COL19A1: variants seen among roughly 807,000 people sequenced by gnomAD.
COL19A1 encodes the protein collagen alpha-1(XIX) chain.
COL19A1 carries 159 observed loss-of-function variants against 190.2 expected under a neutral mutation model. That is an observed-to-expected ratio of 0.84 (90% CI 0.73 to 0.95). The LOEUF (loss-of-function observed/expected upper bound fraction) is 0.95, where lower values mean the gene tolerates loss of function less well. COL19A1 is among the 40% of genes least tolerant of loss of function. The pLI is 0.00. For missense variants in COL19A1, 1,418 were observed against 1,431.9 expected (o/e 0.99, Z 0.16); for synonymous variants, 509 against 458.9 (o/e 1.11, Z -1.39).
chr6:70,061,357 G>A (rs770956582), intron 14 of COL19A1, among the ~76,000 whole-genome samples: 1 of 151,888 alleles, frequency 6.6e-6, no homozygotes, highest in African/African-American at 2.4e-5. Flanking sequence ...ATTCATCAAG[G>A]ATTAAAAAAG....
chr6:70,195,464 G>A (rs1454198472), intron 48 of COL19A1, among the ~76,000 whole-genome samples: 1 of 152,104 alleles, frequency 6.6e-6, no homozygotes, highest in African/African-American at 2.4e-5. Flanking sequence ...TTCTCCAGTG[G>A]AGACATTCCA....
chr6:69,958,394 C>T (rs769124916), intron 9 of COL19A1, among the ~76,000 whole-genome samples: 46 of 152,258 alleles, frequency 3.0e-4, no homozygotes, highest in Middle Eastern at 3.4e-3. Context: ...AGTGGACATA[C>T]TTCTGTGATG....
In COL19A1 at chr6:70,200,907, C is replaced by T. The variant is rs779506621; in HGVS notation, c.3223+1171C>T. Among the ~76,000 whole-genome samples, 13 of 152,046 alleles carry T rather than the reference C, an allele frequency of 8.6e-5. No homozygotes were observed. In the South Asian group the frequency reaches 1.5e-3, roughly 17 times the overall value. Reference sequence around the variant, plus strand: ...TAAAATCTCTCTAGTTTTTTTTAAACGATACATATATTCCACCATTATCTT... The same window carrying T: ...TAAAATCTCTCTAGTTTTTTTTAAATGATACATATATTCCACCATTATCTT... On this transcript the variant is annotated intron_variant, in intron 49 of 50. Coordinates refer to ENST00000620364, the MANE Select transcript of COL19A1 (RefSeq NM_001858.6).
intron 16 of COL19A1, among the ~76,000 whole-genome samples, chr6:70,104,381 C>A (rs1275331903): frequency 6.6e-6 from 1 of 152,150 alleles, no homozygotes. Flanking sequence ...CTTCACATGG[C>A]AGCAGGAAAG....
chr6:70,047,698 AAC>A (rs1779985281), intron 14 of COL19A1, among the ~76,000 whole-genome samples: 1 of 152,148 alleles, frequency 6.6e-6, no homozygotes, highest in Non-Finnish European at 1.5e-5. Flanking sequence ...TATGTTCTAT[AAC>A]CTTCCTATTA....
Position 70,065,212 on chromosome 6 carries a change from A to T in COL19A1, c.1171-3211A>T, listed in dbSNP as rs532430859. Among the ~76,000 whole-genome samples, 6 of 152,312 alleles carry T rather than the reference A, an allele frequency of 3.9e-5. No individual in the cohort carries two copies. In the South Asian group the frequency reaches 1.2e-3, roughly 32 times the overall value. On this transcript the variant is annotated intron_variant, in intron 14 of 50. Coordinates refer to ENST00000620364, the MANE Select transcript of COL19A1 (RefSeq NM_001858.6). ...ATGCTACCTAACTTCAGACTCTACTACAAGGCTACAGTAACCAAAACAGCA... is the reference window on the plus strand; with the variant it reads ...ATGCTACCTAACTTCAGACTCTACTTCAAGGCTACAGTAACCAAAACAGCA...
chr6:70,148,092 C>G (rs1786784261), intron 27 of COL19A1, among the ~76,000 whole-genome samples: 1 of 152,104 alleles, frequency 6.6e-6, no homozygotes, highest in Non-Finnish European at 1.5e-5. Context: ...TTTTCGCCAG[C>G]CTGGAAGCTC....
chr6:70,162,045 G>T, intron 35 of COL19A1, 92 bp downstream of exon 35: 1 of 1,155,522 alleles, frequency 8.7e-7, no homozygotes, highest in South Asian at 1.7e-5. Flanking sequence ...TTTGTTCTCT[G>T]TGCCTCTATG....
intron 11 of COL19A1, among the ~76,000 whole-genome samples, chr6:70,006,619 T>A (rs1777641333): frequency 6.6e-6 from 1 of 152,216 alleles, no homozygotes; most frequent in South Asian, 2.1e-4. Flanking sequence ...AAATTTAAAA[T>A]ATTTAGATAG....
chr6:70,127,111 A>T (rs1164774912), intron 17 of COL19A1, among the ~76,000 whole-genome samples: 2 of 152,174 alleles, frequency 1.3e-5, no homozygotes, highest in East Asian at 3.9e-4. Context: ...GCCAGACAAA[A>T]AGGTGAGGGC....
At chr6:69,961,592 A>C (rs1352243709) in intron 10 of COL19A1, among the ~76,000 whole-genome samples, 1 of 152,210 alleles carries the variant, frequency 6.6e-6, no homozygotes, top group African/African-American at 2.4e-5. Context: ...GGTAGAAAAA[A>C]ATATAGACCA....
At chr6:69,997,026 TAG>T (rs1554186399) in intron 11 of COL19A1, among the ~76,000 whole-genome samples, 39 of 146,916 alleles carry the variant, frequency 2.7e-4, no homozygotes, top group East Asian at 2.3e-3. Flanking sequence ...TATATATATA[TAG>T]AGAGAGAGAG....
At chr6:70,118,328 G>A (rs773499745) in intron 16 of COL19A1, among the ~76,000 whole-genome samples, 19 of 152,178 alleles carry the variant, frequency 1.2e-4, no homozygotes, top group Admixed American at 3.3e-4. Context: ...AATGCTTATA[G>A]CTTATTAATG....
At chr6:70,041,031 A>G (rs1779610794) in intron 14 of COL19A1, among the ~76,000 whole-genome samples, 1 of 152,150 alleles carries the variant, frequency 6.6e-6, no homozygotes, top group African/African-American at 2.4e-5. Flanking sequence ...ATATAGAGAT[A>G]CGGAAAAAAA....
At chr6:70,156,068 C>T in intron 31 of COL19A1, 59 bp from the exon 32 acceptor site, 1 of 1,491,892 alleles carries the variant, frequency 6.7e-7, no homozygotes, top group Non-Finnish European at 9.1e-7. Flanking sequence ...CACATGAAAC[C>T]TCACCTTTAT....
chr6:69,981,349 A>C (rs1012464935), intron 11 of COL19A1, among the ~76,000 whole-genome samples: 1 of 152,168 alleles, frequency 6.6e-6, no homozygotes, highest in Non-Finnish European at 1.5e-5. Context: ...TCTGCTGGGT[A>C]ATCTAAATTG....
intron 24 of COL19A1, 49 bp from the exon 25 acceptor site, chr6:70,144,869 C>A: frequency 1.7e-6 from 2 of 1,209,334 alleles, no homozygotes; most frequent in Non-Finnish European, 2.4e-6. Context: ...CCTCACTTCC[C>A]ACCATGAACC....
At chr6:70,137,631 C>T in intron 18 of COL19A1, 54 bp from the exon 19 acceptor site, 3 of 1,525,740 alleles carry the variant, frequency 2.0e-6, no homozygotes, top group South Asian at 1.1e-5. Context: ...CTGACAGTCA[C>T]AATAATGCTT....
chr6:70,065,967 G>T lies in COL19A1; in HGVS notation c.1171-2456G>T, dbSNP rs539371632. 8.5e-5 allele frequency among the ~76,000 whole-genome samples: 13 copies of T among 152,242 alleles called. No homozygotes were observed. In the South Asian group the frequency reaches 2.7e-3, roughly 32 times the overall value. Reference sequence around the variant, plus strand: ...TAAAAAGTCAGGTGCTGGAGAGGATGTGGAGAAATAGGAACACTTTTACAC... The same window carrying T: ...TAAAAAGTCAGGTGCTGGAGAGGATTTGGAGAAATAGGAACACTTTTACAC... On this transcript the variant is annotated intron_variant, in intron 14 of 50. Coordinates refer to ENST00000620364, the MANE Select transcript of COL19A1 (RefSeq NM_001858.6).
Sources: allele counts gnomAD v4.1 joint callset (sites outside exome capture counted in the v4.1 genomes callset), GRCh38; gene constraint gnomAD v4.1.1; transcripts MANE v1.5; gene names NCBI Gene and HGNC (gene_info 2026-07-23, HGNC 2026-07-21).